The following DOT1L variants were observed in gnomAD, a reference collection of about 807,000 sequenced individuals.
DOT1L encodes the protein DOT1 like histone lysine methyltransferase, also known as histone-lysine N-methyltransferase, H3 lysine-79 specific.
In DOT1L, 33 loss-of-function variants were observed where a neutral mutation model predicts 153.3. The ratio of observed to expected loss-of-function variants is 0.22; its 90% confidence interval spans 0.16 to 0.29. The LOEUF (loss-of-function observed/expected upper bound fraction) is 0.29. Among genes scored for constraint, DOT1L ranks in the 10% least tolerant of loss-of-function variants. The pLI is 1.00. For missense variants in DOT1L, 1,847 were observed against 2,119.9 expected (o/e 0.87, Z 2.53); for synonymous variants, 1,135 against 965.1 (o/e 1.18, Z -3.26).
chr19:2,230,009 A>T lies in DOT1L; in HGVS notation c.*217A>T. On this transcript the variant is annotated 3_prime_UTR_variant, in exon 28 of 28. Transcript: ENST00000398665. ...TTAGATAAAGTATTTATCATTTTTT[A>T]AAAAGTATAAACAATTCTGACTTAT... 2.8e-6 allele frequency: 2 copies of T among 724,174 alleles called. No individual in the cohort carries two copies. The highest frequency in any genetic ancestry group is 4.4e-6 in the Non-Finnish European group (2 of 452,556). 44.9% of individuals were successfully genotyped at this position (724,174 alleles called of 1,614,324 possible).
At position 2,216,355 on chromosome 19, in the gene DOT1L, C is replaced by G. The variant is rs371969330; in HGVS notation, c.1998C>G (p.Asp666Glu). 1 of 1,609,852 alleles carries G rather than the reference C, an allele frequency of 6.2e-7. No homozygotes were observed. Among genetic ancestry groups the G allele is most frequent in the South Asian group, 1.1e-5 (1 of 90,908 alleles). ...LLQLKSCVPP[D>E]DALSLHLRGK... ...AGCTCAAGTCCTGTGTGCCGCCTGA[C>G]GACGCCCTGTCCCTGCACCTGCGTG... is the stretch of plus-strand genomic sequence containing the variant. The change falls in exon 20 of 28, where the codon GAC (aspartate) becomes GAG (glutamate). Residue 666 changes from aspartate to glutamate, a missense_variant. Asp to Glu is a conservative substitution (Grantham distance 45, BLOSUM62 2). Coordinates refer to ENST00000398665, the MANE Select transcript of DOT1L (RefSeq NM_032482.3).
intron 27 of DOT1L, chr19:2,227,607 C>T: frequency 9.4e-7 from 1 of 1,061,764 alleles, no homozygotes; most frequent in Non-Finnish European, 1.2e-6. Context: ...CGAGCCGCTG[C>T]TTGTGCTTGG....
At chr19:2,205,064 A>T (rs1256190061) in intron 9 of DOT1L, among the ~76,000 whole-genome samples, 1 of 151,394 alleles carries the variant, frequency 6.6e-6, no homozygotes, top group Non-Finnish European at 1.5e-5. Flanking sequence ...TCCGCCTCCC[A>T]GGTTCACGCC....
intron 3 of DOT1L, among the ~76,000 whole-genome samples, chr19:2,187,761 A>C (rs1053106562): frequency 6.6e-6 from 1 of 152,092 alleles, no homozygotes; most frequent in Non-Finnish European, 1.5e-5. Flanking sequence ...TCTCTACTAA[A>C]AATACAAAAA....
rs781027157 is a variant in DOT1L, at chr19:2,191,250, G to T, written c.493+10G>T. On this transcript the variant is annotated intron_variant, in intron 5 of 27. Coordinates refer to ENST00000398665, the MANE Select transcript of DOT1L (RefSeq NM_032482.3). The surrounding 1 kb of genome is among the most constrained non-coding windows in gnomAD (Gnocchi z 6.8). ...GTGGACTTGGGGAGCGGTGAGTGTC[G>T]CCCGCCATGCCCGGCTCCTGTGCAC... 3.7e-6 allele frequency: 6 copies of T among 1,609,768 alleles called. No homozygotes were observed. In the South Asian group the frequency reaches 6.6e-5, roughly 18 times the overall value.
intron 1 of DOT1L, among the ~76,000 whole-genome samples, chr19:2,169,210 C>T (rs1004130309): frequency 6.6e-6 from 1 of 152,154 alleles, no homozygotes; most frequent in Non-Finnish European, 1.5e-5. Flanking sequence ...GCGGGGTGAG[C>T]TGTCCCCACC....
intron 24 of DOT1L, 114 bp from the exon 25 acceptor site, chr19:2,223,167 G>T: frequency 1.7e-6 from 2 of 1,172,354 alleles, no homozygotes; most frequent in Non-Finnish European, 2.5e-6. Flanking sequence ...CAGGGCATCA[G>T]TTTCCTCAGG....
Position 2,211,106 on chromosome 19 carries a change from C to T in DOT1L, c.1359C>T (p.Tyr453=), listed in dbSNP as rs1215274972. 1.2e-6 allele frequency: 2 copies of T among 1,612,712 alleles called. No individual in the cohort carries two copies. ...QTAASSPQDA[Y]RSPHSPFYQL... ...TGCCCTCCGCTCTCCCAGATGCCTA[C>T]AGATCCCCTCACAGCCCGTTCTACC... The change falls in exon 15 of 28, where the codon TAC becomes TAT. Residue 453 remains tyrosine, a synonymous_variant. Transcript: ENST00000398665.
Position 2,191,259 on chromosome 19 carries a change from G to T in DOT1L, c.493+19G>T. On this transcript the variant is annotated intron_variant, in intron 5 of 27. Coordinates refer to ENST00000398665, the MANE Select transcript of DOT1L (RefSeq NM_032482.3). The surrounding 1 kb of genome is among the most constrained non-coding windows in gnomAD (Gnocchi z 6.8). ...GGGAGCGGTGAGTGTCGCCCGCCAT[G>T]CCCGGCTCCTGTGCACTTCCAGGCC... The T allele has an allele frequency of 1.2e-6, 2 of 1,612,052 alleles. No individual in the cohort carries two copies.
At chr19:2,227,704 T>C (rs1490394367) in intron 27 of DOT1L, 1 of 1,299,740 alleles carries the variant, frequency 7.7e-7, no homozygotes, top group South Asian at 1.2e-5. Flanking sequence ...TGCTGCCGCT[T>C]GTTGAAGCTG....
rs969962582 is a variant in DOT1L at position 2,208,754 on chromosome 19, A to T, written c.964-181A>T. Among the ~76,000 whole-genome samples, 6 of 152,108 alleles carry T rather than the reference A, an allele frequency of 3.9e-5. No homozygotes were observed. Among genetic ancestry groups the T allele is most frequent in the Non-Finnish European group, 8.8e-5 (6 of 68,018 alleles). On this transcript the variant is annotated intron_variant, in intron 11 of 27. Transcript: ENST00000398665. This position sits in a 1 kb window ranked among gnomAD's most constrained non-coding sequence, Gnocchi z 4.4. The stretch of plus-strand genomic sequence containing the variant: ...TGAATTGAGGGTGACGCCTGGCCAC[A>T]GCTGGGTTAGTCACATCCGCGTTTG...
intron 1 of DOT1L, among the ~76,000 whole-genome samples, chr19:2,167,960 C>T (rs1599523921): frequency 6.6e-6 from 1 of 152,100 alleles, no homozygotes; most frequent in East Asian, 1.9e-4. Context: ...GTCTCAAACT[C>T]CTGACCTCAG....
chr19:2,165,288 G>GCC (rs1016262078), intron 1 of DOT1L, among the ~76,000 whole-genome samples: 1 of 152,102 alleles, frequency 6.6e-6, no homozygotes, highest in South Asian at 2.1e-4. Flanking sequence ...ACTCCCGCGC[G>GCC]CGCTGGGCTT....
At position 2,194,086 on chromosome 19, in the gene DOT1L, C is replaced by T. The variant is rs568536508; in HGVS notation, c.588+303C>T. Among the ~76,000 whole-genome samples the T allele has an allele frequency of 1.3e-4, 20 of 152,338 alleles. No homozygotes were observed. In the East Asian group the frequency reaches 3.7e-3, roughly 28 times the overall value. On this transcript the variant is annotated intron_variant, in intron 6 of 27. Coordinates refer to ENST00000398665, the MANE Select transcript of DOT1L (RefSeq NM_032482.3). The stretch of plus-strand genomic sequence containing the variant: ...CTCAGCTCTACCTCGTGGCACAGCC[C>T]TCCGAGAAGCGGGGTGTTTTGGGTG...
At chr19:2,182,499 C>T (rs1196641039) in intron 2 of DOT1L, among the ~76,000 whole-genome samples, 1 of 152,226 alleles carries the variant, frequency 6.6e-6, no homozygotes, top group Non-Finnish European at 1.5e-5. Context: ...GCCCTCCAGC[C>T]AGGCAACAGA....
Position 2,222,508 on chromosome 19 carries a change from C to T in DOT1L, c.3339C>T (p.Val1113=), listed in dbSNP as rs372739050. Residue 1113 remains valine, a synonymous_variant, in exon 24 of 28, where the codon GTC becomes GTT. Transcript: ENST00000398665. This position sits in a 1 kb window ranked among gnomAD's most constrained non-coding sequence, Gnocchi z 6.5. ...CCAAGCGCCGAGCCCTGCCGTCCGTCGCTGGCCTTTTCACACAGCCTTCGG... is the reference window on the plus strand; with the variant it reads ...CCAAGCGCCGAGCCCTGCCGTCCGTTGCTGGCCTTTTCACACAGCCTTCGG... ...VSPKRRALPS[V]AGLFTQPSGS... 33 of 1,576,322 alleles carry T rather than the reference C, an allele frequency of 2.1e-5. No homozygotes were observed. The highest frequency in any genetic ancestry group is 1.7e-4 in the Middle Eastern group (1 of 5,982).
chr19:2,216,697 G>A lies in DOT1L; in HGVS notation c.2340G>A (p.Val780=), dbSNP rs2144869639. Residue 780 remains valine, a synonymous_variant, in exon 20 of 28, where the codon GTG becomes GTA. Transcript: ENST00000398665. ...CTAGGCTGTCCCCGGCCAAGATTGT[G>A]CTGAGGCGGCACCTGAGCCAGGACC... is the stretch of plus-strand genomic sequence containing the variant. ...DYTRLSPAKI[V]LRRHLSQDHT... The A allele has an allele frequency of 6.2e-7, 1 of 1,602,592 alleles. No individual in the cohort carries two copies. The highest frequency in any genetic ancestry group is 1.1e-5 in the South Asian group (1 of 91,062).
chr19:2,182,350 G>A (rs962331287), intron 2 of DOT1L, among the ~76,000 whole-genome samples: 23 of 152,122 alleles, frequency 1.5e-4, no homozygotes, highest in African/African-American at 5.3e-4. Context: ...GAGATTGGCC[G>A]GGCAACATAA....
At chr19:2,172,050 T>C (rs959597367) in intron 1 of DOT1L, among the ~76,000 whole-genome samples, 1 of 152,138 alleles carries the variant, frequency 6.6e-6, no homozygotes, top group African/African-American at 2.4e-5. Context: ...CATCAGCTAG[T>C]GTGGAAACCC....
Sources: gnomAD v4.1 joint callset for allele counts (sites outside exome capture counted in the v4.1 genomes callset) on GRCh38, gnomAD v4.1.1 for gene constraint, Gnocchi (gnomAD v3.1) non-coding constraint, MANE v1.5 for transcripts, NCBI Gene and HGNC (gene_info 2026-07-23, HGNC 2026-07-21) for gene names.